IMPACT: variants seen among roughly 807,000 people sequenced by gnomAD.
IMPACT encodes the protein impact RWD domain protein, also known as protein IMPACT.
IMPACT carries 35 observed loss-of-function variants against 47.5 expected under a neutral mutation model. That is an observed-to-expected ratio of 0.74 (90% CI 0.56 to 0.98). The LOEUF (loss-of-function observed/expected upper bound fraction) is 0.98, where lower values mean the gene tolerates loss of function less well. Ranked by LOEUF, IMPACT falls within the 50% of genes least tolerant of loss-of-function variation. The pLI is 0.00. For synonymous variants in IMPACT, 118 were observed against 125.6 expected, an observed-to-expected ratio of 0.94 and a Z score of 0.40; for missense variants, 373 against 394.8, an observed-to-expected ratio of 0.94 and a Z score of 0.47.
intron 3 of IMPACT, 31 bp downstream of exon 3, chr18:24,428,952 T>C: frequency 1.4e-6 from 2 of 1,460,786 alleles, no homozygotes; most frequent in African/African-American, 1.4e-5. Flanking sequence ...TATATTGCTA[T>C]AAAAAGATTC....
intron 7 of IMPACT, 144 bp from the exon 8 acceptor site, chr18:24,445,249 C>A: frequency 2.1e-6 from 1 of 470,812 alleles, no homozygotes; most frequent in Non-Finnish European, 3.7e-6. Flanking sequence ...GAGAAGGAAA[C>A]TTTGGAAATG....
At chr18:24,430,531 G>T (rs997134877) in intron 4 of IMPACT, 147 bp downstream of exon 4, 1 of 494,798 alleles carries the variant, frequency 2.0e-6, no homozygotes, top group Non-Finnish European at 3.6e-6. Context: ...AAGAGACCTC[G>T]AAAGGTTAGT....
chr18:24,438,015 A>G lies in IMPACT; in HGVS notation c.342A>G (p.Ile114Met), dbSNP rs770752485. 4.5e-6 allele frequency: 7 copies of G among 1,568,506 alleles called. No individual in the cohort carries two copies. The South Asian group carries it at 6.9e-5, about 15-fold the overall frequency. ...LWVEKIRDVL[I>M]QKSQMTEPGP... ...TGGAGAAAATAAGAGATGTTCTTATACAAAAATCTCAGATGACAGAACCAG... is the reference window on the plus strand; with the variant it reads ...TGGAGAAAATAAGAGATGTTCTTATGCAAAAATCTCAGATGACAGAACCAG... The change falls in exon 5 of 11, where the codon ATA (isoleucine) becomes ATG (methionine). Residue 114 changes from isoleucine (I) to methionine (M), a missense_variant. Physicochemically the swap from Ile to Met is conservative, Grantham distance 10 (BLOSUM62 1). Coordinates refer to ENST00000284202, the MANE Select transcript of IMPACT (RefSeq NM_018439.4).
In IMPACT at chr18:24,453,378, AT is replaced by A. The variant is rs953414313; in HGVS notation, c.*2538del. On this transcript the variant is annotated 3_prime_UTR_variant, in exon 11 of 11. Transcript: ENST00000284202. The stretch of plus-strand genomic sequence containing the variant: ...TATTTGGTATGTACATCCTTATATT[AT>A]TTTTTTCTTATGCATGATTTTGTAT... The A allele has an allele frequency of 9.9e-5, 15 of 151,932 alleles. No homozygotes were observed. Among genetic ancestry groups the A allele is most frequent in the African/African-American group, 2.4e-4 (10 of 41,366 alleles). 9.4% of individuals were successfully genotyped at this position (151,932 alleles called of 1,614,324 possible). A position where few individuals can be genotyped will look rare whatever the true frequency, so the allele number is the denominator to read the frequency against.
chr18:24,450,944 C>CTTAA lies in IMPACT; in HGVS notation c.*98_*101dup. ...TGTGCAGAGAGAGTATCCTTGACTG[C>CTTAA]TTAAGTCAGCCAGTTCAGCATGGAT... On this transcript the variant is annotated 3_prime_UTR_variant, in exon 11 of 11. Transcript: ENST00000284202. The CTTAA allele has an allele frequency of 1.5e-6, 1 of 673,534 alleles. No individual in the cohort carries two copies. Among genetic ancestry groups the CTTAA allele is most frequent in the Non-Finnish European group, 2.5e-6 (1 of 401,910 alleles). 41.7% of individuals were successfully genotyped at this position (673,534 alleles called of 1,614,324 possible). A position where few individuals can be genotyped will look rare whatever the true frequency, so the allele number is the denominator to read the frequency against.
chr18:24,436,792 C>A (rs1038501492), intron 4 of IMPACT, among the ~76,000 whole-genome samples: 2 of 152,114 alleles, frequency 1.3e-5, no homozygotes, highest in African/African-American at 4.8e-5. Flanking sequence ...CTCAAGTGAT[C>A]TGCCCACCCC....
intron 8 of IMPACT, among the ~76,000 whole-genome samples, chr18:24,447,712 C>G (rs1169588292): frequency 1.3e-5 from 2 of 152,078 alleles, no homozygotes; most frequent in African/African-American, 4.8e-5. Flanking sequence ...CACTTACTTC[C>G]TTTATAATAT....
At chr18:24,430,448 C>T in intron 4 of IMPACT, 64 bp downstream of exon 4, 2 of 1,234,430 alleles carry the variant, frequency 1.6e-6, no homozygotes, top group Non-Finnish European at 1.1e-6. Context: ...TTTTGTTGAA[C>T]CTGTGAACCC....
chr18:24,440,905 T>G (rs550291345), intron 6 of IMPACT, among the ~76,000 whole-genome samples: 12 of 152,388 alleles, frequency 7.9e-5, no homozygotes, highest in African/African-American at 2.9e-4. Flanking sequence ...ACGTTTTTAG[T>G]TAACATCATG....
intron 4 of IMPACT, among the ~76,000 whole-genome samples, chr18:24,433,320 C>T (rs1268659365): frequency 1.3e-5 from 2 of 149,938 alleles, no homozygotes; most frequent in Non-Finnish European, 3.0e-5. Flanking sequence ...CTGCCTCAGC[C>T]TCCCGAGTAG....
At chr18:24,437,272 C>T (rs74600557) in intron 4 of IMPACT, among the ~76,000 whole-genome samples, 1 of 152,208 alleles carries the variant, frequency 6.6e-6, no homozygotes, top group African/African-American at 2.4e-5. Context: ...TTTATTGCTG[C>T]TACCATCATT....
chr18:24,433,184 CTTTTTTTTT>C (rs35543338), intron 4 of IMPACT, among the ~76,000 whole-genome samples: 1 of 81,100 alleles, frequency 1.2e-5, no homozygotes, highest in Admixed American at 2.0e-4. Flanking sequence ...ACTTTTAAAA[CTTTTTTTTT>C]TTTTTTTTTT....
chr18:24,430,468 A>G, intron 4 of IMPACT, 84 bp downstream of exon 4: 2 of 935,478 alleles, frequency 2.1e-6, no homozygotes, highest in South Asian at 3.6e-5. Flanking sequence ...CTTTGTTAGA[A>G]CCTCTCTAAA....
intron 4 of IMPACT, among the ~76,000 whole-genome samples, chr18:24,431,892 G>GT (rs1486548970): frequency 9.9e-5 from 15 of 152,128 alleles, no homozygotes; most frequent in African/African-American, 3.6e-4. Context: ...AGTAGAGGCG[G>GT]AGTTTCACCA....
chr18:24,450,084 G>T (rs1909345501), intron 10 of IMPACT, 131 bp downstream of exon 10: 1 of 920,294 alleles, frequency 1.1e-6, no homozygotes, highest in African/African-American at 1.7e-5. Context: ...TCAGAACCTG[G>T]AGACCTAGAC....
At chr18:24,436,625 T>G (rs949483790) in intron 4 of IMPACT, among the ~76,000 whole-genome samples, 5 of 152,044 alleles carry the variant, frequency 3.3e-5, no homozygotes, top group African/African-American at 1.2e-4. Flanking sequence ...CTCCACTCAC[T>G]GCAACCTCCA....
At chr18:24,436,095 C>T (rs112515606) in intron 4 of IMPACT, among the ~76,000 whole-genome samples, 256 of 152,190 alleles carry the variant, frequency 1.7e-3, no homozygotes, top group African/African-American at 5.7e-3. Flanking sequence ...AAAGTTTAGT[C>T]GAGCTGAGGT....
Position 24,445,453 on chromosome 18 carries a change from A to T in IMPACT, c.655A>T (p.Ile219Phe), listed in dbSNP as rs577358918. The stretch of plus-strand genomic sequence containing the variant: ...GAAAATAGCTAGTGCCACCCACAAC[A>T]TCTATGCCTACAGGTGAGTAATCAT... ...NKKIASATHN[I>F]YAYRIYCEDK... Residue 219 changes from isoleucine (I) to phenylalanine (F), a missense_variant, in exon 8 of 11, where the codon ATC (isoleucine) becomes TTC (phenylalanine). Transcript: ENST00000284202. 1.2e-6 allele frequency: 2 copies of T among 1,601,272 alleles called. No individual in the cohort carries two copies. Among genetic ancestry groups the T allele is most frequent in the Non-Finnish European group, 1.7e-6 (2 of 1,172,292 alleles).
intron 4 of IMPACT, among the ~76,000 whole-genome samples, chr18:24,431,320 A>G (rs1458364421): frequency 3.3e-5 from 5 of 152,132 alleles, no homozygotes. Flanking sequence ...AGCTTGGCAC[A>G]TTACAGGAAA....
Sources: gnomAD v4.1 joint callset for allele counts (sites outside exome capture counted in the v4.1 genomes callset) on GRCh38, gnomAD v4.1.1 for gene constraint, MANE v1.5 for transcripts, NCBI Gene and HGNC (gene_info 2026-07-23, HGNC 2026-07-21) for gene names.